Variants in UPP2 observed in about 807,000 individuals in gnomAD.
UPP2 encodes uridine phosphorylase 2.
UPP2 carries 23 observed loss-of-function variants against 26.7 expected under a neutral mutation model. The ratio of observed to expected loss-of-function variants is 0.86; its 90% CI spans 0.62 to 1.22. UPP2 has a LOEUF of 1.22. UPP2 is among the 50% of genes most tolerant of loss of function. The pLI, the probability that UPP2 is intolerant of heterozygous loss-of-function variation, is 0.00. For synonymous variants in UPP2, 127 were observed against 141.3 expected, an observed-to-expected ratio of 0.90 and a Z score of 0.72; for missense variants, 387 against 396.7, an observed-to-expected ratio of 0.98 and a Z score of 0.21.
chr2:158,079,876 G>A (rs528679257), intron 3 of UPP2, among the ~76,000 whole-genome samples: 2 of 152,242 alleles, frequency 1.3e-5, no homozygotes, highest in South Asian at 4.1e-4. Context: ...TCTGTGAAGT[G>A]TATCATGGGA....
At chr2:158,037,638 C>T (rs767299320) in intron 3 of UPP2, among the ~76,000 whole-genome samples, 37 of 152,206 alleles carry the variant, frequency 2.4e-4, no homozygotes, top group Middle Eastern at 3.4e-3. Flanking sequence ...GGCATCACTC[C>T]AATCTCTGGT....
At chr2:158,080,450 A>G (rs1201684478) in intron 3 of UPP2, among the ~76,000 whole-genome samples, 1 of 152,104 alleles carries the variant, frequency 6.6e-6, no homozygotes, top group Non-Finnish European at 1.5e-5. Context: ...ATCCTGTGAC[A>G]GAATTGTGCT....
chr2:158,065,698 C>A, intron 3 of UPP2: 1 of 634,768 alleles, frequency 1.6e-6, no homozygotes, highest in South Asian at 1.6e-5. Flanking sequence ...GTATGTAAAG[C>A]AACTTATGAC....
intron 3 of UPP2, among the ~76,000 whole-genome samples, chr2:158,065,023 T>C (rs1191940965): frequency 6.6e-6 from 1 of 152,210 alleles, no homozygotes; most frequent in Non-Finnish European, 1.5e-5. Context: ...GGTAGCGTGA[T>C]GCTTCCGAAT....
chr2:158,092,349 G>T (rs762181096), intron 3 of UPP2, among the ~76,000 whole-genome samples: 1 of 152,094 alleles, frequency 6.6e-6, no homozygotes, highest in African/African-American at 2.4e-5. Flanking sequence ...GATGCAACCA[G>T]AAAGAAGAGA....
chr2:158,030,310 TTTAA>T (rs1272184128), intron 3 of UPP2, among the ~76,000 whole-genome samples: 1 of 152,236 alleles, frequency 6.6e-6, no homozygotes, highest in African/African-American at 2.4e-5. Flanking sequence ...CAACAAGTAA[TTTAA>T]TTAACAAATT....
upstream of UPP2, among the ~76,000 whole-genome samples, chr2:158,101,166 G>C (rs1683068890): frequency 6.6e-6 from 1 of 152,128 alleles, no homozygotes; most frequent in South Asian, 2.1e-4. Context: ...GATTGCTATG[G>C]GAGTGAAGAG....
chr2:158,051,219 A>G (rs1682152620), intron 3 of UPP2, among the ~76,000 whole-genome samples: 1 of 144,122 alleles, frequency 6.9e-6, no homozygotes, highest in Non-Finnish European at 1.5e-5. Flanking sequence ...AATATCTTTC[A>G]TTTCATAACA....
At chr2:158,079,066 C>T (rs1558923687) in intron 3 of UPP2, among the ~76,000 whole-genome samples, 1 of 152,062 alleles carries the variant, frequency 6.6e-6, no homozygotes, top group African/African-American at 2.4e-5. Flanking sequence ...CTTCCCCCTT[C>T]GCTCAGCATT....
intron 2 of UPP2, among the ~76,000 whole-genome samples, chr2:158,110,223 C>T (rs968421273): frequency 4.6e-5 from 7 of 151,990 alleles, no homozygotes; most frequent in Non-Finnish European, 8.8e-5. Context: ...TCTCATTGTT[C>T]AATTTCCACC....
intron 3 of UPP2, among the ~76,000 whole-genome samples, chr2:158,077,973 A>G (rs904759825): frequency 1.3e-5 from 2 of 152,106 alleles, no homozygotes; most frequent in African/African-American, 4.8e-5. Flanking sequence ...TGGGCAAAAG[A>G]TCTAAATGGA....
At chr2:158,086,016 T>C (rs966122631) in intron 3 of UPP2, among the ~76,000 whole-genome samples, 6 of 152,218 alleles carry the variant, frequency 3.9e-5, no homozygotes, top group East Asian at 3.9e-4. Flanking sequence ...ACTGGCTTCA[T>C]TGAATGATTT....
At chr2:158,082,694 C>T (rs1682746851) in intron 3 of UPP2, among the ~76,000 whole-genome samples, 1 of 152,044 alleles carries the variant, frequency 6.6e-6, no homozygotes, top group Non-Finnish European at 1.5e-5. Context: ...GCAACAAAAG[C>T]CAAAATTGAC....
chr2:158,041,608 G>T (rs1374612144), intron 3 of UPP2, among the ~76,000 whole-genome samples: 1 of 152,178 alleles, frequency 6.6e-6, no homozygotes. Flanking sequence ...GATTTGCATT[G>T]TATTAATGAC....
intron 3 of UPP2, among the ~76,000 whole-genome samples, chr2:158,059,232 G>A (rs1490038032): frequency 5.9e-5 from 9 of 152,320 alleles, no homozygotes; most frequent in East Asian, 5.8e-4. Flanking sequence ...AAAACATATG[G>A]TATGGAATCT....
intron 3 of UPP2, among the ~76,000 whole-genome samples, chr2:158,074,005 T>C (rs1682586427): frequency 6.6e-6 from 1 of 152,124 alleles, no homozygotes; most frequent in African/African-American, 2.4e-5. Context: ...TGAGACCTTG[T>C]CTCTCCAAAT....
At chr2:158,001,957 C>A (rs867612372) in intron 2 of UPP2, among the ~76,000 whole-genome samples, 16 of 65,506 alleles carry the variant, frequency 2.4e-4, no homozygotes, top group South Asian at 7.1e-4. Flanking sequence ...GAATGAGCAC[C>A]AAAAAAAAAA....
At chr2:158,085,917 A>C (rs867940758) in intron 3 of UPP2, among the ~76,000 whole-genome samples, 2 of 151,926 alleles carry the variant, frequency 1.3e-5, no homozygotes, top group African/African-American at 4.8e-5. Context: ...TATTTTATTG[A>C]GGATTTTTGT....
rs186604731 is a variant in UPP2 at position 158,114,979 on chromosome 2, G to C, written c.181-122G>C. ...AGCTAATTCATGGAACATAAACCATGACATCTACACGTGTTCTTAAGTAAA... is the reference window on the plus strand; with the variant it reads ...AGCTAATTCATGGAACATAAACCATCACATCTACACGTGTTCTTAAGTAAA... On this transcript the variant is annotated intron_variant, in intron 2 of 6. Coordinates refer to ENST00000005756, the MANE Select transcript of UPP2 (RefSeq NM_173355.4). The C allele has an allele frequency of 1.0e-4, 92 of 902,020 alleles. 1 individual carries two copies. The Admixed American group carries it at 2.0e-3, about 20-fold the overall frequency. The allele number at this position is 902,020 out of a possible 1,614,324, so 55.9% of individuals were successfully genotyped here. A position where few individuals can be genotyped will look rare whatever the true frequency, so the allele number is the denominator to read the frequency against.
Sources: gnomAD v4.1 joint callset for allele counts (sites outside exome capture counted in the v4.1 genomes callset) on GRCh38, gnomAD v4.1.1 for gene constraint, MANE v1.5 for transcripts, NCBI Gene and HGNC (gene_info 2026-07-23, HGNC 2026-07-21) for gene names.